Variants in ZFP92 observed in about 807,000 individuals in gnomAD.
The protein encoded by ZFP92 is ZFP92 zinc finger protein, also known as zinc finger protein 92 homolog.
A neutral mutation model predicts 7.6 loss-of-function variants in ZFP92; 2 were observed. The ratio of observed to expected loss-of-function variants is 0.26; its 90% CI spans 0.11 to 0.83. The LOEUF (loss-of-function observed/expected upper bound fraction) is 0.83. Among genes scored for constraint, ZFP92 ranks in the 40% least tolerant of loss-of-function variants. The pLI is 0.65. For synonymous variants in ZFP92, 226 were observed against 183.6 expected (o/e 1.23, Z -1.87); for missense variants, 324 against 408.3 (o/e 0.79, Z 1.78).
At chrX:153,417,694 G>C (rs2088964364) in intron 2 of ZFP92, among the ~76,000 whole-genome samples, 1 of 112,103 alleles carries the variant, frequency 8.9e-6, no homozygotes, top group South Asian at 3.7e-4. Context: ...CAGTATGGAA[G>C]TGGGCATGGC....
At chrX:153,414,497 G>T (rs782482110) in intron 2 of ZFP92, among the ~76,000 whole-genome samples, 18 of 110,699 alleles carry the variant, frequency 1.6e-4, no homozygotes, top group African/African-American at 5.9e-4. Flanking sequence ...ACAGACACGC[G>T]CCACCACACC....
chrX:153,420,586 C>T lies in ZFP92; in HGVS notation c.266-57C>T, dbSNP rs1343980608. The T allele has an allele frequency of 5.5e-6, 6 of 1,097,017 alleles. No homozygotes were observed. In the African/African-American group the frequency reaches 5.7e-5, roughly 10 times the overall value. 90.4% of individuals were successfully genotyped at this position (1,097,017 alleles called of 1,213,427 possible). On this transcript the variant is annotated intron_variant, in intron 5 of 5. Coordinates refer to ENST00000338647, the MANE Select transcript of ZFP92 (RefSeq NM_001136273.2). ...TCCCCCTATGTTCTCACCTCCTGCT[C>T]GTTCATCTCTCTGACTTGGCATGAG...
Position 153,420,871 on chromosome X carries a change from C to G in ZFP92, c.494C>G (p.Ser165Cys). Residue 165 changes from serine (S) to cysteine (C), a missense_variant, in exon 6 of 6, where the codon TCC (serine) becomes TGC (cysteine). Physicochemically the swap from Ser to Cys is moderately radical, Grantham distance 112. Coordinates refer to ENST00000338647, the MANE Select transcript of ZFP92 (RefSeq NM_001136273.2). ...TGTGGGAAGGCCTTCAGCCGCAGCTCCAACCTCATCAAGCACCGCATCATC... is the reference window on the plus strand; with the variant it reads ...TGTGGGAAGGCCTTCAGCCGCAGCTGCAACCTCATCAAGCACCGCATCATC... ...QQCGKAFSRS[S>C]NLIKHRIIHS... 3 of 1,187,794 alleles carry G rather than the reference C, an allele frequency of 2.5e-6. No homozygotes were observed. Among genetic ancestry groups the G allele is most frequent in the Non-Finnish European group, 1.1e-6 (1 of 883,319 alleles).
chrX:153,414,416 C>T (rs1407765748), intron 2 of ZFP92, among the ~76,000 whole-genome samples: 6 of 111,789 alleles, frequency 5.4e-5, no homozygotes, highest in Non-Finnish European at 1.1e-4. Flanking sequence ...GGTGCAATCA[C>T]GGCTCGCTGC....
Position 153,425,842 on chromosome X carries a change from T to C in ZFP92, c.*4214T>C, listed in dbSNP as rs782085107. 31 of 111,414 alleles carry C rather than the reference T, an allele frequency of 2.8e-4. No homozygotes were observed. Among genetic ancestry groups the C allele is most frequent in the African/African-American group, 9.1e-4 (28 of 30,663 alleles). 9.2% of individuals were successfully genotyped at this position (111,414 alleles called of 1,213,427 possible). On this transcript the variant is annotated 3_prime_UTR_variant, in exon 6 of 6. Transcript: ENST00000338647. ...TGGACAGCTGCTCTGCAGATTCTTA[T>C]ATACCTTTAATCGAAGGCCTTGGAC... is the stretch of plus-strand genomic sequence containing the variant.
chrX:153,412,915 G>A (rs1290155420), intron 2 of ZFP92, among the ~76,000 whole-genome samples: 1 of 112,069 alleles, frequency 8.9e-6, no homozygotes, highest in East Asian at 2.8e-4. Flanking sequence ...GCCCCCAGAG[G>A]GCAAGGCCTG....
intron 5 of ZFP92, 59 bp from the exon 6 acceptor site, chrX:153,420,584 C>T: frequency 9.1e-7 from 1 of 1,098,815 alleles, no homozygotes; most frequent in African/African-American, 1.9e-5. Flanking sequence ...TCACCTCCTG[C>T]TCGTTCATCT....
At position 153,421,547 on chromosome X, in the gene ZFP92, C is replaced by G; in HGVS notation, c.1170C>G (p.Thr390=). 4.6e-6 allele frequency: 5 copies of G among 1,096,286 alleles called. No individual in the cohort carries two copies. Among genetic ancestry groups the G allele is most frequent in the Non-Finnish European group, 5.9e-6 (5 of 847,026 alleles). 90.3% of individuals were successfully genotyped at this position (1,096,286 alleles called of 1,213,427 possible). The stretch of plus-strand genomic sequence containing the variant: ...GGAGGCTAGCGGGCCCTGGGAGCAC[C>G]GGCCCTGGGAGCGCGGTGGCGGCCA... ...TARRLAGPGS[T]GPGSAVAATS... Residue 390 remains threonine, a synonymous_variant, in exon 6 of 6, where the codon ACC becomes ACG. Transcript: ENST00000338647.
Position 153,421,376 on chromosome X carries a change from G to A in ZFP92, c.999G>A (p.Ser333=), listed in dbSNP as rs782507537. Reference sequence around the variant, plus strand: ...GCGGCAAGGCCTTCCGTGGCCGTTCGGGCCTCAGCCAGCACCGGCGCGTGC... The same window carrying A: ...GCGGCAAGGCCTTCCGTGGCCGTTCAGGCCTCAGCCAGCACCGGCGCGTGC... ...RECGKAFRGR[S]GLSQHRRVHS... is the part of the protein sequence containing the mutation. Residue 333 remains serine, a synonymous_variant, in exon 6 of 6, where the codon TCG becomes TCA. Transcript: ENST00000338647. The A allele has an allele frequency of 4.3e-6, 5 of 1,158,747 alleles. No homozygotes were observed. The highest frequency in any genetic ancestry group is 3.3e-5 in the East Asian group (1 of 30,689).
At chrX:153,418,233 C>G in intron 2 of ZFP92, 72 bp from the exon 3 acceptor site, 1 of 1,107,626 alleles carries the variant, frequency 9.0e-7, no homozygotes. Context: ...TAAGCAGGGT[C>G]TTCAAGCAGG....
Position 153,423,812 on chromosome X carries a change from T to C in ZFP92, c.*2184T>C, listed in dbSNP as rs1556975913. 2.6e-5 allele frequency: 3 copies of C among 114,014 alleles called. No individual in the cohort carries two copies. The highest frequency in any genetic ancestry group is 5.6e-5 in the Non-Finnish European group (3 of 53,562). 9.4% of individuals were successfully genotyped at this position (114,014 alleles called of 1,213,427 possible). Reference sequence around the variant, plus strand: ...TTGGGAAGTCTGGGTTTTTCTGCTGTGCAGACAGTCTTTGCAAGGGCTGGC... The same window carrying C: ...TTGGGAAGTCTGGGTTTTTCTGCTGCGCAGACAGTCTTTGCAAGGGCTGGC... On this transcript the variant is annotated 3_prime_UTR_variant, in exon 6 of 6. Coordinates refer to ENST00000338647, the MANE Select transcript of ZFP92 (RefSeq NM_001136273.2).
In ZFP92 at chrX:153,425,053, C is replaced by T. The variant is rs1264907337; in HGVS notation, c.*3425C>T. 8.9e-6 allele frequency: 1 copy of T among 112,496 alleles called. No homozygotes were observed. Among genetic ancestry groups the T allele is most frequent in the Non-Finnish European group, 1.9e-5 (1 of 53,282 alleles). The allele number at this position is 112,496 out of a possible 1,213,427, so 9.3% of individuals were successfully genotyped here. A position where few individuals can be genotyped will look rare whatever the true frequency, so the allele number is the denominator to read the frequency against. The stretch of plus-strand genomic sequence containing the variant: ...GTGCAGGCTCCTCTGACTGGGACCA[C>T]AGGCAGCCACCCGAGGCCACTCAGA... On this transcript the variant is annotated 3_prime_UTR_variant, in exon 6 of 6. Coordinates refer to ENST00000338647, the MANE Select transcript of ZFP92 (RefSeq NM_001136273.2).
chrX:153,421,550 C>T lies in ZFP92; in HGVS notation c.1173C>T (p.Gly391=). 9.1e-7 allele frequency: 1 copy of T among 1,093,417 alleles called. No homozygotes were observed. Among genetic ancestry groups the T allele is most frequent in the Non-Finnish European group, 1.2e-6 (1 of 845,733 alleles). The allele number at this position is 1,093,417 out of a possible 1,213,427, so 90.1% of individuals were successfully genotyped here. The change falls in exon 6 of 6, where the codon GGC becomes GGT. Residue 391 remains glycine (G), a synonymous_variant. Coordinates refer to ENST00000338647, the MANE Select transcript of ZFP92 (RefSeq NM_001136273.2). ...GGCTAGCGGGCCCTGGGAGCACCGG[C>T]CCTGGGAGCGCGGTGGCGGCCACCA... ...ARRLAGPGST[G]PGSAVAATSP...
At chrX:153,420,622 C>T in intron 5 of ZFP92, 21 bp from the exon 6 acceptor site, 1 of 1,105,262 alleles carries the variant, frequency 9.0e-7, no homozygotes, top group East Asian at 3.3e-5. Context: ...GGTGACACTG[C>T]CTGGTGCTCT....
Position 153,426,330 on chromosome X carries a change from G to A in ZFP92, c.*4702G>A, listed in dbSNP as rs782569160. ...AATTCTTTTTTCATCAGGTGTTTTT[G>A]TGCATATCAGTACTCCATTTTTTTT... On this transcript the variant is annotated 3_prime_UTR_variant, in exon 6 of 6. Coordinates refer to ENST00000338647, the MANE Select transcript of ZFP92 (RefSeq NM_001136273.2). 1 of 110,630 alleles carries A rather than the reference G, an allele frequency of 9.0e-6. No individual in the cohort carries two copies. Among genetic ancestry groups the A allele is most frequent in the East Asian group, 2.8e-4 (1 of 3,523 alleles). The allele number at this position is 110,630 out of a possible 1,213,427, so 9.1% of individuals were successfully genotyped here.
intron 3 of ZFP92, 98 bp downstream of exon 3, chrX:153,418,453 C>T: frequency 1.9e-6 from 2 of 1,061,549 alleles, no homozygotes; most frequent in Non-Finnish European, 2.5e-6. Flanking sequence ...GCTTAGGCTG[C>T]CCTTAGCATC....
chrX:153,417,356 C>T (rs782149578), intron 2 of ZFP92, among the ~76,000 whole-genome samples: 2 of 112,521 alleles, frequency 1.8e-5, no homozygotes, highest in Non-Finnish European at 3.8e-5. Context: ...TGGCTGGCTA[C>T]TCTCTTTGCC....
At position 153,421,197 on chromosome X, in the gene ZFP92, A is replaced by T; in HGVS notation, c.820A>T (p.Ser274Cys). Residue 274 changes from serine to cysteine, a missense_variant, in exon 6 of 6, where the codon AGC (serine) becomes TGC (cysteine). Ser to Cys is a moderately radical substitution (Grantham distance 112). Coordinates refer to ENST00000338647, the MANE Select transcript of ZFP92 (RefSeq NM_001136273.2). ...YACPECGKAFSRSSNLIEHQR... is the reference protein window; with the variant it reads ...YACPECGKAFCRSSNLIEHQR... ...GTGCCCAGAGTGCGGCAAGGCCTTC[A>T]GCCGCAGCTCCAACCTCATCGAGCA... The T allele has an allele frequency of 8.5e-7, 1 of 1,182,425 alleles. No homozygotes were observed. Among genetic ancestry groups the T allele is most frequent in the Non-Finnish European group, 1.1e-6 (1 of 881,897 alleles).
chrX:153,420,161 C>A, intron 4 of ZFP92, 67 bp from the exon 5 acceptor site: 1 of 828,977 alleles, frequency 1.2e-6, no homozygotes, highest in Non-Finnish European at 1.7e-6. Context: ...TTGAGAATTG[C>A]CTGAGTTCAG....
Sources: allele counts gnomAD v4.1 joint callset (sites outside exome capture counted in the v4.1 genomes callset), GRCh38; gene constraint gnomAD v4.1.1; transcripts MANE v1.5; gene names NCBI Gene and HGNC (gene_info 2026-07-23, HGNC 2026-07-21).